MAFK: variants seen among roughly 807,000 people sequenced by gnomAD.
MAFK encodes transcription factor MafK.
MAFK carries 1 observed loss-of-function variant against 9.2 expected under a neutral mutation model. The observed-to-expected ratio is 0.11, with a 90% confidence interval of 0.04 to 0.52. MAFK has a LOEUF of 0.52. MAFK is among the 20% of genes least tolerant of loss of function. The pLI, the probability that MAFK is intolerant of heterozygous loss-of-function variation, is 0.94. For missense variants in MAFK, 207 were observed against 236.0 expected, an observed-to-expected ratio of 0.88 and a Z score of 0.81; for synonymous variants, 110 against 107.4, an observed-to-expected ratio of 1.02 and a Z score of -0.15.
rs1784218497 is a variant in MAFK at position 1,542,475 on chromosome 7, G to A, written c.*2100G>A. 7 of 152,380 alleles carry A rather than the reference G, an allele frequency of 4.6e-5. No individual in the cohort carries two copies. Among genetic ancestry groups the A allele is most frequent in the Admixed American group, 4.6e-4 (7 of 15,290 alleles). The allele number at this position is 152,380 out of a possible 1,614,324, so 9.4% of individuals were successfully genotyped here. On this transcript the variant is annotated 3_prime_UTR_variant, in exon 3 of 3. Transcript: ENST00000343242. Reference sequence around the variant, plus strand: ...GTGGCCGGTTCTGTCCCGTCTTGGGGTTCTTGGTGTCCACGTCTTGTGGGC... The same window carrying A: ...GTGGCCGGTTCTGTCCCGTCTTGGGATTCTTGGTGTCCACGTCTTGTGGGC...
In MAFK at chr7:1,531,629, C is replaced by A. The variant is rs565829311; in HGVS notation, c.-45+731C>A. Among the ~76,000 whole-genome samples the A allele has an allele frequency of 3.3e-5, 5 of 152,312 alleles. No individual in the cohort carries two copies. In the South Asian group the frequency reaches 1.0e-3, roughly 32 times the overall value. On this transcript the variant is annotated intron_variant, in intron 1 of 2. Coordinates refer to ENST00000343242, the MANE Select transcript of MAFK (RefSeq NM_002360.4). ...CTCCGGCCTCTTCCCGCTCCCACTG[C>A]GTGAGTTCTTCTGTGCCTCTGTCAA... is the stretch of plus-strand genomic sequence containing the variant.
chr7:1,536,218 C>T (rs539563769), intron 1 of MAFK, among the ~76,000 whole-genome samples: 2 of 152,368 alleles, frequency 1.3e-5, no homozygotes, highest in Admixed American at 6.5e-5. Flanking sequence ...CCCAGGCCCC[C>T]GCTGTGGCGC....
chr7:1,540,438 C>T lies in MAFK; in HGVS notation c.*63C>T. 3.1e-6 allele frequency: 4 copies of T among 1,287,628 alleles called. No individual in the cohort carries two copies. In the South Asian group the frequency reaches 4.6e-5, roughly 15 times the overall value. The allele number at this position is 1,287,628 out of a possible 1,614,324, so 79.8% of individuals were successfully genotyped here. Reference sequence around the variant, plus strand: ...CGGGCAGGCGGGTGGGGGCACACCCCTCGTACCTGTCACTGGGATGCAGAC... The same window carrying T: ...CGGGCAGGCGGGTGGGGGCACACCCTTCGTACCTGTCACTGGGATGCAGAC... On this transcript the variant is annotated 3_prime_UTR_variant, in exon 3 of 3. Transcript: ENST00000343242.
In MAFK at chr7:1,534,279, T is replaced by C. The variant is rs1388582402; in HGVS notation, c.-45+3381T>C. On this transcript the variant is annotated intron_variant, in intron 1 of 2. Transcript: ENST00000343242. This position sits in a 1 kb window ranked among gnomAD's most constrained non-coding sequence, Gnocchi z 4.3. ...TGTCTGGCTGGTCTCTGGGACCAGC[T>C]GGGCTGCAATTAGTCGGTTGACACC... 1 of 455,798 alleles carries C rather than the reference T, an allele frequency of 2.2e-6. No homozygotes were observed. The highest frequency in any genetic ancestry group is 7.0e-5 in the East Asian group (1 of 14,370). The allele number at this position is 455,798 out of a possible 1,614,324, so 28.2% of individuals were successfully genotyped here. A position where few individuals can be genotyped will look rare whatever the true frequency, so the allele number is the denominator to read the frequency against.
In MAFK at chr7:1,541,881, T is replaced by G. The variant is rs10226620; in HGVS notation, c.*1506T>G. 1 of 152,246 alleles carries G rather than the reference T, an allele frequency of 6.6e-6. No homozygotes were observed. The highest frequency in any genetic ancestry group is 1.5e-5 in the Non-Finnish European group (1 of 68,134). The allele number at this position is 152,246 out of a possible 1,614,324, so 9.4% of individuals were successfully genotyped here. ...CCTGCCTGGGGGAGCTGGCGGAATG[T>G]GAGCCGCCGGCCGGGGGCCGCCACA... is the stretch of plus-strand genomic sequence containing the variant. On this transcript the variant is annotated 3_prime_UTR_variant, in exon 3 of 3. Transcript: ENST00000343242.
At position 1,533,333 on chromosome 7, in the gene MAFK, G is replaced by A. The variant is rs988106787; in HGVS notation, c.-45+2435G>A. On this transcript the variant is annotated intron_variant, in intron 1 of 2. Coordinates refer to ENST00000343242, the MANE Select transcript of MAFK (RefSeq NM_002360.4). ...CAGCGGGGGCTAGTGTGGGGTGTAG[G>A]GAAGACCTTCTCCCTGCTTGCAAGG... 2.6e-5 allele frequency among the ~76,000 whole-genome samples: 4 copies of A among 152,236 alleles called. No individual in the cohort carries two copies. In the East Asian group the frequency reaches 5.8e-4, roughly 22 times the overall value.
rs1463774443 is a variant in MAFK at position 1,534,305 on chromosome 7, T to G, written c.-45+3407T>G. The G allele has an allele frequency of 2.2e-6, 1 of 455,490 alleles. No individual in the cohort carries two copies. The highest frequency in any genetic ancestry group is 2.0e-5 in the African/African-American group (1 of 50,022). The allele number at this position is 455,490 out of a possible 1,614,324, so 28.2% of individuals were successfully genotyped here. The stretch of plus-strand genomic sequence containing the variant: ...GGGCTGCAATTAGTCGGTTGACACC[T>G]GTTTGACAGGCACCCACTGGGTACC... On this transcript the variant is annotated intron_variant, in intron 1 of 2. Transcript: ENST00000343242. This position sits in a 1 kb window ranked among gnomAD's most constrained non-coding sequence, Gnocchi z 4.3.
In MAFK at chr7:1,534,166, G is replaced by A; in HGVS notation, c.-45+3268G>A. The A allele has an allele frequency of 2.2e-6, 1 of 447,152 alleles. No homozygotes were observed. Among genetic ancestry groups the A allele is most frequent in the Non-Finnish European group, 4.5e-6 (1 of 219,898 alleles). The allele number at this position is 447,152 out of a possible 1,614,324, so 27.7% of individuals were successfully genotyped here. A position where few individuals can be genotyped will look rare whatever the true frequency, so the allele number is the denominator to read the frequency against. The stretch of plus-strand genomic sequence containing the variant: ...CGGGCTGCGGGGTGCCAAGTGGGGT[G>A]CCTCCCGCATGCTTAGTGGGGCTGT... On this transcript the variant is annotated intron_variant, in intron 1 of 2. Coordinates refer to ENST00000343242, the MANE Select transcript of MAFK (RefSeq NM_002360.4). This position sits in a 1 kb window ranked among gnomAD's most constrained non-coding sequence, Gnocchi z 4.3.
chr7:1,534,416 G>A lies in MAFK; in HGVS notation c.-45+3518G>A, dbSNP rs1265959668. ...CTCTGGCAGAAAGGCTCCTGGGAGA[G>A]GCGGGTACACCTTGGGTGGCCTCTG... On this transcript the variant is annotated intron_variant, in intron 1 of 2. Coordinates refer to ENST00000343242, the MANE Select transcript of MAFK (RefSeq NM_002360.4). This position sits in a 1 kb window ranked among gnomAD's most constrained non-coding sequence, Gnocchi z 4.3. The A allele has an allele frequency of 2.3e-6, 1 of 439,236 alleles. No homozygotes were observed. The highest frequency in any genetic ancestry group is 4.7e-6 in the Non-Finnish European group (1 of 213,838). The allele number at this position is 439,236 out of a possible 1,614,324, so 27.2% of individuals were successfully genotyped here.
chr7:1,533,794 C>T (rs1298010215), intron 1 of MAFK, among the ~76,000 whole-genome samples: 2 of 150,302 alleles, frequency 1.3e-5, no homozygotes, highest in African/African-American at 2.5e-5. Flanking sequence ...CGGTTGGGGG[C>T]TGGGGGGCAT....
intron 1 of MAFK, among the ~76,000 whole-genome samples, chr7:1,536,344 G>T (rs1163049222): frequency 6.6e-6 from 1 of 152,204 alleles, no homozygotes; most frequent in Non-Finnish European, 1.5e-5. Flanking sequence ...ACAATGCGAG[G>T]ACGTCGTTCC....
At chr7:1,539,017 C>T in intron 1 of MAFK, 132 bp from the exon 2 acceptor site, 4 of 715,220 alleles carry the variant, frequency 5.6e-6, no homozygotes, top group South Asian at 3.3e-5. Flanking sequence ...CGGATGGTGC[C>T]CCGTCTTGTT....
At chr7:1,533,483 G>A (rs935566289) in intron 1 of MAFK, among the ~76,000 whole-genome samples, 4 of 152,220 alleles carry the variant, frequency 2.6e-5, no homozygotes, top group Non-Finnish European at 5.9e-5. Context: ...GCAGGGCAGG[G>A]AACCACGTGC....
chr7:1,539,070 C>G, intron 1 of MAFK, 79 bp from the exon 2 acceptor site: 1 of 1,104,596 alleles, frequency 9.1e-7, no homozygotes, highest in Non-Finnish European at 1.4e-6. Flanking sequence ...AGAAGCATCC[C>G]TGCATGGGAG....
intron 1 of MAFK, chr7:1,538,519 C>A: frequency 1.3e-6 from 1 of 794,172 alleles, no homozygotes; most frequent in Non-Finnish European, 1.5e-6. Context: ...TCCACCCAGG[C>A]CCACCGTGGG....
At chr7:1,533,257 G>A in intron 1 of MAFK, among the ~76,000 whole-genome samples, 1 of 152,224 alleles carries the variant, frequency 6.6e-6, no homozygotes, top group East Asian at 1.9e-4. Flanking sequence ...AGGTATTGGG[G>A]TGGAGACTGC....
chr7:1,537,536 T>G (rs1784060529), intron 1 of MAFK: 1 of 985,366 alleles, frequency 1.0e-6, no homozygotes, highest in African/African-American at 1.7e-5. Context: ...GCCTCTCCAC[T>G]GTCACCCTCA....
At chr7:1,538,183 C>A in intron 1 of MAFK, 1 of 788,706 alleles carries the variant, frequency 1.3e-6, no homozygotes, top group Non-Finnish European at 1.5e-6. Context: ...TCGGAGGGCT[C>A]ATGCCGGGGA....
intron 1 of MAFK, chr7:1,538,809 C>T: frequency 3.9e-6 from 1 of 255,002 alleles, no homozygotes; most frequent in Non-Finnish European, 7.6e-6. Context: ...CCCCACAGTG[C>T]CGGCGGCTGC....
Sources: allele counts gnomAD v4.1 joint callset (sites outside exome capture counted in the v4.1 genomes callset), GRCh38; gene constraint gnomAD v4.1.1; non-coding constraint Gnocchi (gnomAD v3.1); transcripts MANE v1.5; gene names NCBI Gene and HGNC (gene_info 2026-07-23, HGNC 2026-07-21).